BLTP2: variants seen among roughly 807,000 people sequenced by gnomAD.
BLTP2 encodes U937-associated antigen.
At chr17:28,623,030 G>A in the BLTP2 span, among the ~76,000 whole-genome samples, 10 of 152,158 alleles carry the variant, frequency 6.6e-5, no homozygotes, top group East Asian at 1.7e-3. Flanking sequence ...AGCTGAGTTC[G>A]CGCCATTGCA....
At chr17:28,622,670 T>A in the BLTP2 span, among the ~76,000 whole-genome samples, 16 of 152,218 alleles carry the variant, frequency 1.1e-4, no homozygotes, top group Non-Finnish European at 2.9e-5. Context: ...GGGTAAAATA[T>A]AACCTGGTTC....
chr17:28,642,730 G>A, the BLTP2 span: 3 of 656,446 alleles, frequency 4.6e-6, no homozygotes, highest in East Asian at 7.5e-5. Flanking sequence ...GGCTAGAAGG[G>A]ACAAGGCAAT....
the BLTP2 span, chr17:28,633,768 A>C: frequency 6.2e-7 from 1 of 1,611,474 alleles, no homozygotes; most frequent in Non-Finnish European, 8.5e-7. Flanking sequence ...TAGAGGAACA[A>C]AGGCTATAAC....
At chr17:28,637,749 G>A in the BLTP2 span, 44 of 1,386,236 alleles carry the variant, frequency 3.2e-5, no homozygotes, top group South Asian at 4.6e-4. Flanking sequence ...TCAGCTCACT[G>A]CAAACTCTGC....
the BLTP2 span, among the ~76,000 whole-genome samples, chr17:28,622,607 A>G: frequency 1.3e-5 from 2 of 152,220 alleles, no homozygotes; most frequent in Non-Finnish European, 2.9e-5. Context: ...GGCATATCTC[A>G]TAATCAATAG....
chr17:28,639,435 G>C, the BLTP2 span: 1 of 1,612,890 alleles, frequency 6.2e-7, no homozygotes, highest in Admixed American at 1.7e-5. Flanking sequence ...CAGAACTAGG[G>C]AGGCTGAGAG....
chr17:28,624,516 A>G, the BLTP2 span: 1 of 721,502 alleles, frequency 1.4e-6, no homozygotes, highest in Non-Finnish European at 2.2e-6. Context: ...ACATCCTCCC[A>G]AACCTAAAAC....
At chr17:28,616,262 T>C in the BLTP2 span, 1 of 1,596,614 alleles carries the variant, frequency 6.3e-7, no homozygotes, top group Non-Finnish European at 8.6e-7. This position sits in a 1 kb window ranked among gnomAD's most constrained non-coding sequence, Gnocchi z 4.8. Flanking sequence ...ACCCCAAACA[T>C]CTCCCTCTTC....
chr17:28,616,112 A>G, the BLTP2 span: 2 of 1,613,900 alleles, frequency 1.2e-6, no homozygotes, highest in Non-Finnish European at 1.7e-6. The surrounding 1 kb of genome is among the most constrained non-coding windows in gnomAD (Gnocchi z 4.8). Flanking sequence ...GCTGACACAC[A>G]GTGGAACCTG....
the BLTP2 span, chr17:28,637,731 G>T: frequency 9.4e-7 from 1 of 1,064,938 alleles, no homozygotes; most frequent in Non-Finnish European, 1.4e-6. Flanking sequence ...GAGTGCAGTG[G>T]CACCATCTCA....
chr17:28,643,801 T>A, the BLTP2 span: 6 of 913,406 alleles, frequency 6.6e-6, no homozygotes, highest in Non-Finnish European at 1.0e-5. Flanking sequence ...ATTAGAACAG[T>A]AAAATCTTCG....
chr17:28,636,844 G>T, the BLTP2 span: 1 of 801,488 alleles, frequency 1.2e-6, no homozygotes, highest in Non-Finnish European at 2.0e-6. Flanking sequence ...TTTAAGACCA[G>T]TCTGGGCAAC....
At chr17:28,644,278 C>A in the BLTP2 span, 2 of 1,422,392 alleles carry the variant, frequency 1.4e-6, no homozygotes, top group South Asian at 2.6e-5. Context: ...TGCAAAAGGT[C>A]GTTCCTGAAA....
chr17:28,624,121 A>C, the BLTP2 span: 2 of 1,420,804 alleles, frequency 1.4e-6, no homozygotes, highest in Non-Finnish European at 1.9e-6. Flanking sequence ...ACCTATGAGA[A>C]GGCCAAATTT....
At chr17:28,643,987 A>G in the BLTP2 span, 2 of 1,530,488 alleles carry the variant, frequency 1.3e-6, no homozygotes, top group African/African-American at 2.8e-5. Flanking sequence ...TATTTTTAAA[A>G]AAAGGAAATT....
chr17:28,640,525 C>T, the BLTP2 span: 5 of 1,611,230 alleles, frequency 3.1e-6, no homozygotes, highest in Non-Finnish European at 4.2e-6. Context: ...CTCCCACTAT[C>T]ACTCTCCCAT....
the BLTP2 span, chr17:28,633,010 G>A: frequency 6.3e-7 from 1 of 1,583,208 alleles, no homozygotes; most frequent in Non-Finnish European, 8.6e-7. Flanking sequence ...GGCCCGGTAG[G>A]AGTCATGAAG....
the BLTP2 span, chr17:28,638,087 T>A: frequency 6.2e-7 from 1 of 1,613,766 alleles, no homozygotes; most frequent in Admixed American, 1.7e-5. Context: ...AGGCTGGTTA[T>A]AGCTACCCTA....
the BLTP2 span, chr17:28,639,351 C>T: frequency 1.2e-6 from 2 of 1,613,898 alleles, no homozygotes; most frequent in African/African-American, 1.3e-5. Context: ...TGAACTAGAC[C>T]CTTGGGTTTC....
Sources: allele counts gnomAD v4.1 joint callset (sites outside exome capture counted in the v4.1 genomes callset), GRCh38; gene constraint gnomAD v4.1.1; non-coding constraint Gnocchi (gnomAD v3.1); transcripts MANE v1.5; gene names NCBI Gene and HGNC (gene_info 2026-07-23, HGNC 2026-07-21).